Variants in DENND4B observed in about 807,000 individuals in gnomAD.
DENND4B encodes the protein DENN domain-containing protein 4B.
Under a neutral mutation model 161.0 loss-of-function variants are expected in DENND4B, and 67 were observed. The ratio of observed to expected loss-of-function variants is 0.42; its 90% CI spans 0.34 to 0.51. The LOEUF (loss-of-function observed/expected upper bound fraction) is 0.51. Ranked by LOEUF, DENND4B falls within the 20% of genes least tolerant of loss-of-function variation. DENND4B has a pLI of 0.08. For missense variants in DENND4B, 1,481 were observed against 1,968.0 expected, an observed-to-expected ratio of 0.75 and a Z score of 4.68; for synonymous variants, 753 against 813.8, an observed-to-expected ratio of 0.93 and a Z score of 1.27.
chr1:153,940,689 G>A lies in DENND4B; in HGVS notation c.1327-83C>T. On this transcript the variant is annotated intron_variant, in intron 9 of 27. Coordinates refer to ENST00000361217, the MANE Select transcript of DENND4B (RefSeq NM_014856.3). The surrounding 1 kb of genome is among the most constrained non-coding windows in gnomAD (Gnocchi z 5.6). The stretch of plus-strand genomic sequence containing the variant: ...ACAGGAGAGAGAAAGAGAGGGCATT[G>A]GCCTTGGGGAGTTGGTGCCTGTTGA... 6.5e-7 allele frequency: 1 copy of A among 1,533,312 alleles called. No homozygotes were observed. Among genetic ancestry groups the A allele is most frequent in the Non-Finnish European group, 8.8e-7 (1 of 1,132,326 alleles). The allele number at this position is 1,533,312 out of a possible 1,614,324, so 95.0% of individuals were successfully genotyped here. A position where few individuals can be genotyped will look rare whatever the true frequency, so the allele number is the denominator to read the frequency against.
chr1:153,944,047 G>A lies in DENND4B; in HGVS notation c.317+11C>T. ...GCCTCCCCTGGTGCCAGCATGGGTA[G>A]GGGCACACACCCCAGCTCAACGAGG... is the stretch of plus-strand genomic sequence containing the variant. On this transcript the variant is annotated intron_variant, in intron 2 of 27. Transcript: ENST00000361217. This position sits in a 1 kb window ranked among gnomAD's most constrained non-coding sequence, Gnocchi z 4.8. The A allele has an allele frequency of 6.5e-7, 1 of 1,540,846 alleles. No homozygotes were observed. Among genetic ancestry groups the A allele is most frequent in the East Asian group, 2.3e-5 (1 of 43,066 alleles).
At position 153,940,391 on chromosome 1, in the gene DENND4B, C is replaced by G; in HGVS notation, c.1502+40G>C. Reference sequence around the variant, plus strand: ...ACTCCACACACTAGCCCATTCCTGCCCACCACCCTGCAGCCCCCAAATGAG... The same window carrying G: ...ACTCCACACACTAGCCCATTCCTGCGCACCACCCTGCAGCCCCCAAATGAG... On this transcript the variant is annotated intron_variant, in intron 10 of 27. Transcript: ENST00000361217. The surrounding 1 kb of genome is among the most constrained non-coding windows in gnomAD (Gnocchi z 5.6). 6.2e-7 allele frequency: 1 copy of G among 1,600,216 alleles called. No individual in the cohort carries two copies. The highest frequency in any genetic ancestry group is 1.3e-5 in the African/African-American group (1 of 74,768).
intron 24 of DENND4B, among the ~76,000 whole-genome samples, chr1:153,931,711 T>C (rs1178562330): frequency 6.6e-6 from 1 of 151,870 alleles, no homozygotes; most frequent in Non-Finnish European, 1.5e-5. Flanking sequence ...TTAGCCACGA[T>C]GGTCTCGATC....
In DENND4B at chr1:153,946,329, C is replaced by G; in HGVS notation, c.-52G>C. The G allele has an allele frequency of 2.7e-6, 1 of 367,006 alleles. No individual in the cohort carries two copies. Among genetic ancestry groups the G allele is most frequent in the Non-Finnish European group, 4.9e-6 (1 of 205,500 alleles). 22.7% of individuals were successfully genotyped at this position (367,006 alleles called of 1,614,324 possible). A position where few individuals can be genotyped will look rare whatever the true frequency, so the allele number is the denominator to read the frequency against. Reference sequence around the variant, plus strand: ...TCCCGCGCTTCCCGGCCGGCCGGCCCGCTGGCGGGTGGCTCGGAGGGCGAG... The same window carrying G: ...TCCCGCGCTTCCCGGCCGGCCGGCCGGCTGGCGGGTGGCTCGGAGGGCGAG... On this transcript the variant is annotated 5_prime_UTR_variant, in exon 1 of 28. Coordinates refer to ENST00000361217, the MANE Select transcript of DENND4B (RefSeq NM_014856.3). This position sits in a 1 kb window ranked among gnomAD's most constrained non-coding sequence, Gnocchi z 6.3.
rs1394237785 is a variant in DENND4B at position 153,934,254 on chromosome 1, G to T, written c.2822C>A (p.Thr941Asn). 2 of 1,597,798 alleles carry T rather than the reference G, an allele frequency of 1.3e-6. No individual in the cohort carries two copies. ...PSPTRPLQRQ[T>N]TWAGRSLRDP... is the part of the protein sequence containing the mutation. The stretch of plus-strand genomic sequence containing the variant: ...TCTCAGACTTCGCCCAGCCCAAGTA[G>T]TCTGGCGCTGAAGAGGGCGAGTAGG... Residue 941 changes from threonine to asparagine, a missense_variant, in exon 19 of 28, where the codon ACT becomes AAT. Thr to Asn is a moderately conservative substitution (Grantham distance 65). Transcript: ENST00000361217. This position sits in a 1 kb window ranked among gnomAD's most constrained non-coding sequence, Gnocchi z 5.3.
chr1:153,934,117 C>A lies in DENND4B; in HGVS notation c.2941+18G>T. ...AAAGCTGACTGGGGGAGTGAGGGAG[C>A]CAGACAAGGGCACTCACTGTGGGCC... is the stretch of plus-strand genomic sequence containing the variant. On this transcript the variant is annotated intron_variant, in intron 19 of 27. Coordinates refer to ENST00000361217, the MANE Select transcript of DENND4B (RefSeq NM_014856.3). The surrounding 1 kb of genome is among the most constrained non-coding windows in gnomAD (Gnocchi z 5.3). The A allele has an allele frequency of 6.5e-7, 1 of 1,537,662 alleles. No individual in the cohort carries two copies. Among genetic ancestry groups the A allele is most frequent in the South Asian group, 1.2e-5 (1 of 80,030 alleles).
Position 153,941,068 on chromosome 1 carries a change from GGGGAAAGGGTCACCAGGA to G in DENND4B, c.1182-38_1182-21del, listed in dbSNP as rs1353165593. The G allele has an allele frequency of 5.8e-6, 9 of 1,552,774 alleles. No homozygotes were observed. Among genetic ancestry groups the G allele is most frequent in the Non-Finnish European group, 7.8e-6 (9 of 1,149,872 alleles). On this transcript the variant is annotated intron_variant, in intron 8 of 27. Coordinates refer to ENST00000361217, the MANE Select transcript of DENND4B (RefSeq NM_014856.3). ...GCACCACTGCAGGCAATGCCGAGGT[GGGGAAAGGGTCACCAGGA>G]TACCCTGGGGACCCTTCCCCAGATG...
Position 153,940,990 on chromosome 1 carries a change from G to A in DENND4B, c.1240C>T (p.Leu414=). The change falls in exon 9 of 28, where the codon CTG becomes TTG. Residue 414 remains leucine (L), a synonymous_variant. Transcript: ENST00000361217. The surrounding 1 kb of genome is among the most constrained non-coding windows in gnomAD (Gnocchi z 5.6). ...SLGPELAITL[L]LAVLTEHKLL... is the part of the protein sequence containing the mutation. Reference sequence around the variant, plus strand: ...TTGTGCTCTGTGAGCACAGCCAGCAGCAGTGTGATAGCCAGCTCAGGGCCC... The same window carrying A: ...TTGTGCTCTGTGAGCACAGCCAGCAACAGTGTGATAGCCAGCTCAGGGCCC... The A allele has an allele frequency of 6.3e-7, 1 of 1,584,442 alleles. No homozygotes were observed. The highest frequency in any genetic ancestry group is 1.3e-5 in the African/African-American group (1 of 74,404).
rs368266568 is a variant in DENND4B at position 153,930,477 on chromosome 1, C to T, written c.4346-35G>A. The T allele has an allele frequency of 2.6e-5, 42 of 1,613,790 alleles. No individual in the cohort carries two copies. The highest frequency in any genetic ancestry group is 8.0e-5 in the African/African-American group (6 of 74,912). ...AAGGTGGAAGTCAACATGTTAGGAC[C>T]GCAGCCTCCCACACCTGGCCCCAGA... is the stretch of plus-strand genomic sequence containing the variant. On this transcript the variant is annotated intron_variant, in intron 27 of 27. Coordinates refer to ENST00000361217, the MANE Select transcript of DENND4B (RefSeq NM_014856.3). The surrounding 1 kb of genome is among the most constrained non-coding windows in gnomAD (Gnocchi z 4.7).
chr1:153,934,052 C>T lies in DENND4B; in HGVS notation c.2941+83G>A. ...CCACCACAGAGGGCCGCCCTCCACT[C>T]TGTTTCTGGTCTTCCCCACCTCACT... is the stretch of plus-strand genomic sequence containing the variant. On this transcript the variant is annotated intron_variant, in intron 19 of 27. Transcript: ENST00000361217. This position sits in a 1 kb window ranked among gnomAD's most constrained non-coding sequence, Gnocchi z 5.3. 1 of 1,471,326 alleles carries T rather than the reference C, an allele frequency of 6.8e-7. No homozygotes were observed. The allele number at this position is 1,471,326 out of a possible 1,614,324, so 91.1% of individuals were successfully genotyped here. A position where few individuals can be genotyped will look rare whatever the true frequency, so the allele number is the denominator to read the frequency against.
intron 12 of DENND4B, among the ~76,000 whole-genome samples, chr1:153,939,275 G>GC (rs1553204769): frequency 1.2e-5 from 1 of 82,060 alleles, no homozygotes; most frequent in Non-Finnish European, 3.1e-5. Context: ...GCCTCAGACT[G>GC]GGGGGGGTCT....
At position 153,937,592 on chromosome 1, in the gene DENND4B, G is replaced by T. The variant is rs1372689101; in HGVS notation, c.2128C>A (p.Arg710=). The change falls in exon 15 of 28, where the codon CGG becomes AGG. Residue 710 remains arginine (R), a synonymous_variant. Transcript: ENST00000361217. This position sits in a 1 kb window ranked among gnomAD's most constrained non-coding sequence, Gnocchi z 4.7. Reference sequence around the variant, plus strand: ...TGAAGAGACTCAAACAACTCAGCCCGTAGCTCTGGGAATCCATCATAGCTG... The same window carrying T: ...TGAAGAGACTCAAACAACTCAGCCCTTAGCTCTGGGAATCCATCATAGCTG... ...QYCYDGFPEL[R]AELFESLQEQ... is the part of the protein sequence containing the mutation. The T allele has an allele frequency of 6.2e-7, 1 of 1,612,910 alleles. No individual in the cohort carries two copies. Among genetic ancestry groups the T allele is most frequent in the Non-Finnish European group, 8.5e-7 (1 of 1,179,324 alleles).
intron 11 of DENND4B, 40 bp from the exon 12 acceptor site, chr1:153,939,844 A>G: frequency 6.3e-7 from 1 of 1,595,966 alleles, no homozygotes; most frequent in Non-Finnish European, 8.6e-7. Context: ...GCTGGCTCCC[A>G]TAGTGTTACC....
chr1:153,934,890 G>A lies in DENND4B; in HGVS notation c.2643C>T (p.Val881=), dbSNP rs1679240837. ...RLRWAKLRNV[V]LGAAQFRQPL... ...GCTGGCGGAACTGAGCAGCCCCCAG[G>A]ACAACATTCCGGAGCTTGGCCCAGC... is the stretch of plus-strand genomic sequence containing the variant. The change falls in exon 18 of 28, where the codon GTC becomes GTT. Residue 881 remains valine (V), a synonymous_variant. Transcript: ENST00000361217. The surrounding 1 kb of genome is among the most constrained non-coding windows in gnomAD (Gnocchi z 5.3). 1 of 1,613,636 alleles carries A rather than the reference G, an allele frequency of 6.2e-7. No individual in the cohort carries two copies. The highest frequency in any genetic ancestry group is 8.5e-7 in the Non-Finnish European group (1 of 1,179,896).
At chr1:153,941,140 C>A in intron 8 of DENND4B, 91 bp downstream of exon 8, 1 of 1,575,938 alleles carries the variant, frequency 6.3e-7, no homozygotes, top group Admixed American at 1.9e-5. Context: ...TGGACCCAGC[C>A]TGCATAAACC....
rs375451288 is a variant in DENND4B, at chr1:153,933,676, C to T, written c.3137G>A (p.Arg1046Gln). ...TCGGGGGGTGCCTGCCTCATCCTGTCGCCCACCAGCCTTGGGTCCCCGCCC... is the reference window on the plus strand; with the variant it reads ...TCGGGGGGTGCCTGCCTCATCCTGTTGCCCACCAGCCTTGGGTCCCCGCCC... The part of the protein sequence containing the change: ...LSGRGPKAGG[R>Q]QDEAGTPRRG... The change falls in exon 20 of 28, where the codon CGA becomes CAA. Residue 1046 changes from arginine (R) to glutamine (Q), a missense_variant. Arg to Gln is a conservative substitution (Grantham distance 43). Coordinates refer to ENST00000361217, the MANE Select transcript of DENND4B (RefSeq NM_014856.3). This position sits in a 1 kb window ranked among gnomAD's most constrained non-coding sequence, Gnocchi z 5.7. The T allele has an allele frequency of 1.7e-5, 27 of 1,570,976 alleles. No individual in the cohort carries two copies. The highest frequency in any genetic ancestry group is 2.7e-5 in the African/African-American group (2 of 73,734).
In DENND4B at chr1:153,943,076, C is replaced by T. The variant is rs1178157135; in HGVS notation, c.372G>A (p.Thr124=). The T allele has an allele frequency of 6.8e-6, 11 of 1,613,938 alleles. No individual in the cohort carries two copies. Among genetic ancestry groups the T allele is most frequent in the Admixed American group, 1.7e-5 (1 of 60,010 alleles). Residue 124 remains threonine, a synonymous_variant, in exon 3 of 28, where the codon ACG becomes ACA. Coordinates refer to ENST00000361217, the MANE Select transcript of DENND4B (RefSeq NM_014856.3). ...GGTTTGCTGAGTGGCTGTAGGGTGTCGTGTCAAGCACTTGGAAGCCAGGCT... is the reference window on the plus strand; with the variant it reads ...GGTTTGCTGAGTGGCTGTAGGGTGTTGTGTCAAGCACTTGGAAGCCAGGCT... The part of the protein sequence containing the change: ...RPKPGFQVLD[T]TPYSHSANLA...
intron 1 of DENND4B, chr1:153,945,195 T>C: frequency 1.6e-6 from 2 of 1,287,692 alleles, no homozygotes; most frequent in Non-Finnish European, 2.0e-6. Context: ...CGCCCCAGGG[T>C]GCAGAAGCTG....
Position 153,933,844 on chromosome 1 carries a change from G to A in DENND4B, c.2969C>T (p.Pro990Leu), listed in dbSNP as rs541138328. ...GTGCCAGGGCACAGGTGATCCCCGGGGTTCCAGGACCCCCAAGGCCTCTAT... is the reference window on the plus strand; with the variant it reads ...GTGCCAGGGCACAGGTGATCCCCGGAGTTCCAGGACCCCCAAGGCCTCTAT... ...HMIEALGVLE[P>L]RGSPVPWHDG... Residue 990 changes from proline to leucine, a missense_variant, in exon 20 of 28, where the codon CCC becomes CTC. Around this residue, in one of 3 missense-constraint regions of DENND4B, gnomAD observed 339 missense variants for 330.3 expected, o/e 1.03. Transcript: ENST00000361217. This position sits in a 1 kb window ranked among gnomAD's most constrained non-coding sequence, Gnocchi z 5.7. 7 of 1,613,258 alleles carry A rather than the reference G, an allele frequency of 4.3e-6. No individual in the cohort carries two copies. In the African/African-American group the frequency reaches 9.3e-5, roughly 22 times the overall value.
Sources: gnomAD v4.1 joint callset for allele counts (sites outside exome capture counted in the v4.1 genomes callset) on GRCh38, gnomAD v4.1.1 for gene constraint, gnomAD v4.1.1 regional missense constraint, Gnocchi (gnomAD v3.1) non-coding constraint, MANE v1.5 for transcripts, NCBI Gene and HGNC (gene_info 2026-07-23, HGNC 2026-07-21) for gene names.